The following FAM151B variants were observed in gnomAD, a reference collection of about 807,000 sequenced individuals.
FAM151B encodes protein FAM151B.
FAM151B carries 24 observed loss-of-function variants against 31.2 expected under a neutral mutation model. The observed-to-expected ratio is 0.77, with a 90% CI of 0.56 to 1.08. FAM151B has a LOEUF of 1.08. FAM151B is among the 50% of genes least tolerant of loss of function. FAM151B has a pLI of 0.00. For missense variants in FAM151B, 293 were observed against 328.6 expected (o/e 0.89, Z 0.84); for synonymous variants, 105 against 111.4 (o/e 0.94, Z 0.36).
chr5:80,513,176 A>G (rs1729164758), intron 2 of FAM151B, among the ~76,000 whole-genome samples: 1 of 152,232 alleles, frequency 6.6e-6, no homozygotes, highest in African/African-American at 2.4e-5. Flanking sequence ...ACCGTAAGTC[A>G]AAGAAGTGAA....
chr5:80,498,738 G>A (rs1743637359), intron 1 of FAM151B: 2 of 569,488 alleles, frequency 3.5e-6, no homozygotes, highest in Non-Finnish European at 6.7e-6. Context: ...CTTGGGAGTG[G>A]TGTAAGACTT....
At chr5:80,525,647 G>A (rs962920681) in intron 5 of FAM151B, among the ~76,000 whole-genome samples, 1 of 151,994 alleles carries the variant, frequency 6.6e-6, no homozygotes, top group Non-Finnish European at 1.5e-5. Flanking sequence ...TGCTAACCCT[G>A]GGAATGTCAG....
At chr5:80,495,345 G>A (rs1240789374) in intron 1 of FAM151B, 2 of 152,124 alleles carry the variant, frequency 1.3e-5, no homozygotes, top group Non-Finnish European at 2.9e-5. Context: ...AGCTGCCATA[G>A]ATAGTGATTC....
Position 80,541,826 on chromosome 5 carries a change from T to G in FAM151B, c.825T>G (p.Asn275Lys). The G allele has an allele frequency of 1.2e-6, 2 of 1,611,510 alleles. No homozygotes were observed. Among genetic ancestry groups the G allele is most frequent in the Middle Eastern group, 1.7e-4 (1 of 5,982 alleles). Reference sequence around the variant, plus strand: ...AACAAGCCATTGGAATCAAAGTTAATCTCTAAGAAGAAGATTCTCAATTAT... The same window carrying G: ...AACAAGCCATTGGAATCAAAGTTAAGCTCTAAGAAGAAGATTCTCAATTAT... ...EFKQAIGIKV[N>K]L Residue 275 changes from asparagine (N) to lysine (K), a missense_variant, in exon 6 of 6, where the codon AAT (asparagine) becomes AAG (lysine). By Grantham distance (94) the Asn-to-Lys change is moderately conservative. Coordinates refer to ENST00000282226, the MANE Select transcript of FAM151B (RefSeq NM_205548.3).
chr5:80,511,393 G>A (rs1283953443), intron 2 of FAM151B, among the ~76,000 whole-genome samples: 1 of 142,592 alleles, frequency 7.0e-6, no homozygotes, highest in African/African-American at 2.6e-5. Flanking sequence ...AGGATCCCTG[G>A]AGCCCAAGAG....
chr5:80,508,658 T>A (rs1313817236), intron 2 of FAM151B, among the ~76,000 whole-genome samples: 1 of 152,210 alleles, frequency 6.6e-6, no homozygotes, highest in African/African-American at 2.4e-5. Context: ...GAACTATCTC[T>A]GTCCTTTTGT....
At chr5:80,498,461 AG>A (rs796812397) in intron 1 of FAM151B, 1 of 524,960 alleles carries the variant, frequency 1.9e-6, no homozygotes, top group Admixed American at 2.7e-5. Flanking sequence ...TTTAGGTTTA[AG>A]GTTTTTGGTT....
intron 1 of FAM151B, among the ~76,000 whole-genome samples, chr5:80,490,893 G>A (rs1304600140): frequency 3.3e-5 from 5 of 152,178 alleles, no homozygotes; most frequent in Admixed American, 1.3e-4. Flanking sequence ...GTTTTTGTGT[G>A]GACATATGGT....
At chr5:80,506,200 G>C in intron 2 of FAM151B, 1 of 783,862 alleles carries the variant, frequency 1.3e-6, no homozygotes, top group Non-Finnish European at 1.5e-6. Flanking sequence ...CCCATGGTGG[G>C]CAAGTGATCA....
chr5:80,489,903 A>G (rs71636231), intron 1 of FAM151B, among the ~76,000 whole-genome samples: 17,855 of 152,136 alleles, frequency 0.12, 1,282 homozygotes, highest in Middle Eastern at 0.23. Flanking sequence ...CAGCCTGAGC[A>G]ACAGAGAGAA....
chr5:80,504,026 C>T (rs1340185650), intron 2 of FAM151B, among the ~76,000 whole-genome samples: 1 of 152,160 alleles, frequency 6.6e-6, no homozygotes, highest in Non-Finnish European at 1.5e-5. Context: ...CCAGGTCTCC[C>T]TCTCTTGTTA....
chr5:80,490,393 C>A, intron 1 of FAM151B, among the ~76,000 whole-genome samples: 1 of 152,154 alleles, frequency 6.6e-6, no homozygotes, highest in African/African-American at 2.4e-5. Flanking sequence ...TTAATAAATT[C>A]TTCAAAATCC....
intron 5 of FAM151B, among the ~76,000 whole-genome samples, chr5:80,538,454 CTT>C (rs570783127): frequency 0.057 from 3,597 of 62,568 alleles, 268 homozygotes; most frequent in Admixed American, 0.097. Flanking sequence ...CTTTCTCTTT[CTT>C]TCTTTCTTTC....
Position 80,541,741 on chromosome 5 carries a change from A to G in FAM151B, c.740A>G (p.Asp247Gly). The change falls in exon 6 of 6, where the codon GAC becomes GGC. Residue 247 changes from aspartate to glycine, a missense_variant. By Grantham distance (94) the Asp-to-Gly change is moderately conservative. Coordinates refer to ENST00000282226, the MANE Select transcript of FAM151B (RefSeq NM_205548.3). Reference sequence around the variant, plus strand: ...GTTGAAGATTTACTTTACATTAGAGACCATTTTGACAAAAAACAAGTTTTC... The same window carrying G: ...GTTGAAGATTTACTTTACATTAGAGGCCATTTTGACAAAAAACAAGTTTTC... ...YSVEDLLYIR[D>G]HFDKKQVFYD... 3 of 1,613,682 alleles carry G rather than the reference A, an allele frequency of 1.9e-6. No homozygotes were observed. Among genetic ancestry groups the G allele is most frequent in the Non-Finnish European group, 1.7e-6 (2 of 1,179,762 alleles).
intron 5 of FAM151B, among the ~76,000 whole-genome samples, chr5:80,537,000 G>C (rs543054771): frequency 6.6e-6 from 1 of 152,228 alleles, no homozygotes; most frequent in East Asian, 1.9e-4. Context: ...GCACAATGGG[G>C]TTCATTTAAT....
chr5:80,531,272 G>T lies in FAM151B; in HGVS notation c.671+9134G>T, dbSNP rs558220329. On this transcript the variant is annotated intron_variant, in intron 5 of 5. Coordinates refer to ENST00000282226, the MANE Select transcript of FAM151B (RefSeq NM_205548.3). ...TAAAGACTTAAATATTAGACCTAAAGCCATAAAAACCCTAGAAGAAAACCT... is the reference window on the plus strand; with the variant it reads ...TAAAGACTTAAATATTAGACCTAAATCCATAAAAACCCTAGAAGAAAACCT... Among the ~76,000 whole-genome samples the T allele has an allele frequency of 3.3e-5, 5 of 152,080 alleles. No individual in the cohort carries two copies. The South Asian group carries it at 8.3e-4, about 25-fold the overall frequency.
chr5:80,524,699 T>A (rs1484277821), intron 5 of FAM151B, among the ~76,000 whole-genome samples: 1 of 152,226 alleles, frequency 6.6e-6, no homozygotes, highest in Non-Finnish European at 1.5e-5. Context: ...ATACTTTTTA[T>A]GGTAAAAGCA....
At chr5:80,506,343 GA>G (rs922556021) in intron 2 of FAM151B, among the ~76,000 whole-genome samples, 4 of 152,162 alleles carry the variant, frequency 2.6e-5, no homozygotes, top group African/African-American at 9.7e-5. Flanking sequence ...ATCATGAGAT[GA>G]AATTAGCCTT....
rs548821362 is a variant in FAM151B, at chr5:80,506,014, G to T, written c.151+4097G>T. The T allele has an allele frequency of 4.3e-6, 4 of 939,712 alleles. No homozygotes were observed. The African/African-American group carries it at 5.4e-5, about 13-fold the overall frequency. 58.2% of individuals were successfully genotyped at this position (939,712 alleles called of 1,614,324 possible). ...CTCATGATCCGCCTGCCTTGGCCTC[G>T]CGAAGTGCTGGGATTACAGGTGTGA... On this transcript the variant is annotated intron_variant, in intron 2 of 5. Transcript: ENST00000282226.
Sources: allele counts gnomAD v4.1 joint callset (sites outside exome capture counted in the v4.1 genomes callset), GRCh38; gene constraint gnomAD v4.1.1; transcripts MANE v1.5; gene names NCBI Gene and HGNC (gene_info 2026-07-23, HGNC 2026-07-21).